Variants in CNR2 observed in about 807,000 individuals in gnomAD.
CNR2 encodes cannabinoid receptor 2 (macrophage).
For missense variants in CNR2, 379 were observed against 439.9 expected, an observed-to-expected ratio of 0.86 and a Z score of 1.24; for synonymous variants, 172 against 182.2, an observed-to-expected ratio of 0.94 and a Z score of 0.45.
chr1:23,878,480 G>A (rs549573451), intron 1 of CNR2, among the ~76,000 whole-genome samples: 15 of 151,436 alleles, frequency 9.9e-5, no homozygotes, highest in African/African-American at 3.4e-4. Flanking sequence ...CCAGGTTCAA[G>A]TGATTCTCCA....
chr1:23,881,271 G>A (rs79102269), intron 1 of CNR2, among the ~76,000 whole-genome samples: 20,267 of 151,342 alleles, frequency 0.13, 1,522 homozygotes, highest in East Asian at 0.33. Flanking sequence ...GTGAGACTCC[G>A]TCTCAAAAAA....
At chr1:23,906,547 T>TC (rs869039793) in intron 1 of CNR2, among the ~76,000 whole-genome samples, 1 of 4,834 alleles carries the variant, frequency 2.1e-4, no homozygotes. Flanking sequence ...TTTTTCTTTC[T>TC]TTTTTTTTTT....
chr1:23,897,331 C>T (rs914266403), intron 1 of CNR2, among the ~76,000 whole-genome samples: 5 of 152,086 alleles, frequency 3.3e-5, no homozygotes, highest in Admixed American at 2.0e-4. Context: ...TCTCAAACTT[C>T]GTGGTCTCAG....
In CNR2 at chr1:23,905,249, C is replaced by A. The variant is rs930391846; in HGVS notation, c.-46+7997G>T. ...GCCCAGGCTGGAGTGTAGTGCATCT[C>A]GGCTCACTGCAACCTCCGCCTCCCG... is the stretch of plus-strand genomic sequence containing the variant. On this transcript the variant is annotated intron_variant, in intron 1 of 1. Coordinates refer to ENST00000374472, the MANE Select transcript of CNR2 (RefSeq NM_001841.3). Among the ~76,000 whole-genome samples, 11 of 149,240 alleles carry A rather than the reference C, an allele frequency of 7.4e-5. No homozygotes were observed. The South Asian group carries it at 2.3e-3, about 31-fold the overall frequency.
At position 23,876,173 on chromosome 1, in the gene CNR2, A is replaced by G. The variant is rs115636575; in HGVS notation, c.-45-511T>C. Among the ~76,000 whole-genome samples, 292 of 150,738 alleles carry G rather than the reference A, an allele frequency of 1.9e-3. 1 individual carries two copies. Among genetic ancestry groups the G allele is most frequent in the African/African-American group, 6.7e-3 (275 of 41,010 alleles). ...ATGGGAAGAGAAAGTACAGAAGATT[A>G]AACAATTTATTTTATTTTAATTTTT... On this transcript the variant is annotated intron_variant, in intron 1 of 1. Transcript: ENST00000374472.
intron 1 of CNR2, among the ~76,000 whole-genome samples, chr1:23,879,334 A>G (rs1186182244): frequency 2.0e-5 from 3 of 152,086 alleles, no homozygotes; most frequent in African/African-American, 7.2e-5. Context: ...CAAAGTGGAG[A>G]CTGGGCACAG....
At chr1:23,909,063 A>G (rs1415107590) in intron 1 of CNR2, among the ~76,000 whole-genome samples, 1 of 151,934 alleles carries the variant, frequency 6.6e-6, no homozygotes. Context: ...CGGACACCGA[A>G]CCACGAAGTC....
At position 23,872,743 on chromosome 1, in the gene CNR2, C is replaced by G. The variant is rs990438367; in HGVS notation, c.*1792G>C. ...ATAAGGCATTTAAAAACACTTAGCCCCCTGCCTGGCACATAGTAAAGGCTC... is the reference window on the plus strand; with the variant it reads ...ATAAGGCATTTAAAAACACTTAGCCGCCTGCCTGGCACATAGTAAAGGCTC... On this transcript the variant is annotated 3_prime_UTR_variant, in exon 2 of 2. Transcript: ENST00000374472. 5.9e-5 allele frequency: 9 copies of G among 152,132 alleles called. No individual in the cohort carries two copies. Among genetic ancestry groups the G allele is most frequent in the Admixed American group, 6.5e-5 (1 of 15,276 alleles). The allele number at this position is 152,132 out of a possible 1,614,324, so 9.4% of individuals were successfully genotyped here. A position where few individuals can be genotyped will look rare whatever the true frequency, so the allele number is the denominator to read the frequency against.
chr1:23,908,286 G>A (rs1334298497), intron 1 of CNR2, among the ~76,000 whole-genome samples: 1 of 151,792 alleles, frequency 6.6e-6, no homozygotes, highest in Non-Finnish European at 1.5e-5. Context: ...GCCAACTATC[G>A]CTTTTTAAAT....
chr1:23,908,095 C>T (rs928253088), intron 1 of CNR2, among the ~76,000 whole-genome samples: 5 of 149,536 alleles, frequency 3.3e-5, no homozygotes, highest in Admixed American at 1.4e-4. Context: ...ATTCTCCTGC[C>T]TCAGCCTCCT....
chr1:23,888,150 C>T (rs1640121821), intron 1 of CNR2, among the ~76,000 whole-genome samples: 1 of 152,206 alleles, frequency 6.6e-6, no homozygotes, highest in Non-Finnish European at 1.5e-5. Flanking sequence ...ACTTTCAGGA[C>T]ACATGTCCAC....
At chr1:23,890,877 TC>T (rs201629834) in intron 1 of CNR2, among the ~76,000 whole-genome samples, 2 of 36,940 alleles carry the variant, frequency 5.4e-5, no homozygotes, top group African/African-American at 1.8e-4. Context: ...CTGGTCTTCT[TC>T]TTCTTTTTTT....
At chr1:23,901,121 G>T (rs1640391045) in intron 1 of CNR2, among the ~76,000 whole-genome samples, 1 of 152,042 alleles carries the variant, frequency 6.6e-6, no homozygotes. Context: ...TTGAAGGGAA[G>T]GTCTACAGTT....
chr1:23,897,789 C>A (rs1315844544), intron 1 of CNR2, among the ~76,000 whole-genome samples: 1 of 151,976 alleles, frequency 6.6e-6, no homozygotes, highest in Non-Finnish European at 1.5e-5. Flanking sequence ...ATGAAAATAA[C>A]TTTTTGTGGC....
chr1:23,881,244 C>T (rs1570704013), intron 1 of CNR2, among the ~76,000 whole-genome samples: 1 of 151,594 alleles, frequency 6.6e-6, no homozygotes, highest in African/African-American at 2.4e-5. Context: ...CCATTGCACT[C>T]CAGCCTGGGT....
At chr1:23,913,178 C>CAAAA (rs1640614707) in intron 1 of CNR2, 68 bp downstream of exon 1, 2 of 173,146 alleles carry the variant, frequency 1.2e-5, no homozygotes, top group African/African-American at 2.4e-5. Context: ...AACAAACAAA[C>CAAAA]AAAAAAGAAT....
At chr1:23,885,904 G>T (rs1386726111) in intron 1 of CNR2, among the ~76,000 whole-genome samples, 42 of 108,598 alleles carry the variant, frequency 3.9e-4, no homozygotes, top group African/African-American at 1.3e-3. Context: ...GGCGGCGGGG[G>T]GGTGGCCAGG....
rs2501423 is a variant in CNR2, at chr1:23,872,536, A to C, written c.*1999T>G. On this transcript the variant is annotated 3_prime_UTR_variant, in exon 2 of 2. Coordinates refer to ENST00000374472, the MANE Select transcript of CNR2 (RefSeq NM_001841.3). ...TCAAGCAGAATTTGACTGAACTAGGACAAAAGGTTAGTGGTTAAGAGGGCA... is the reference window on the plus strand; with the variant it reads ...TCAAGCAGAATTTGACTGAACTAGGCCAAAAGGTTAGTGGTTAAGAGGGCA... 97,196 of 151,678 alleles carry C rather than the reference A, an allele frequency of 0.64. 31,678 individuals carry two copies. The highest frequency in any genetic ancestry group is 0.78 in the African/African-American group (32,287 of 41,358). 9.4% of individuals were successfully genotyped at this position (151,678 alleles called of 1,614,324 possible). A position where few individuals can be genotyped will look rare whatever the true frequency, so the allele number is the denominator to read the frequency against.
rs190092700 is a variant in CNR2, at chr1:23,889,290, G to C, written c.-45-13628C>G. 3.5e-4 allele frequency among the ~76,000 whole-genome samples: 54 copies of C among 152,208 alleles called. 1 individual carries two copies. The East Asian group carries it at 0.01, about 28-fold the overall frequency. ...GTTGCTGCTGGGTTTAAATCTCTCA[G>C]AGCTGGAGGTAAGGAAGAGAATGAT... On this transcript the variant is annotated intron_variant, in intron 1 of 1. Transcript: ENST00000374472.
Sources: allele counts gnomAD v4.1 joint callset (sites outside exome capture counted in the v4.1 genomes callset), GRCh38; gene constraint gnomAD v4.1.1; transcripts MANE v1.5; gene names NCBI Gene and HGNC (gene_info 2026-07-23, HGNC 2026-07-21).